The following FAM163A variants were observed in gnomAD, a reference collection of about 807,000 sequenced individuals.
FAM163A encodes protein FAM163A.
FAM163A carries 7 observed loss-of-function variants against 12.0 expected under a neutral mutation model. The ratio of observed to expected loss-of-function variants is 0.58; its 90% CI spans 0.33 to 1.10. FAM163A has a LOEUF of 1.10. Among genes scored for constraint, FAM163A ranks in the 50% least tolerant of loss-of-function variants. The pLI is 0.03. For synonymous variants in FAM163A, 101 were observed against 91.0 expected (o/e 1.11, Z -0.62); for missense variants, 202 against 218.6 (o/e 0.92, Z 0.48).
chr1:179,747,166 GGA>G (rs142400469), intron 1 of FAM163A, among the ~76,000 whole-genome samples: 89,678 of 147,904 alleles, frequency 0.61, 27,576 homozygotes, highest in African/African-American at 0.74. Context: ...AGAGATGCTT[GGA>G]AAAAAAAAAA....
chr1:179,784,995 G>A (rs892623967), intron 1 of FAM163A, among the ~76,000 whole-genome samples: 8 of 152,166 alleles, frequency 5.3e-5, no homozygotes, highest in East Asian at 3.8e-4. Context: ...GGCCATGGAC[G>A]TCACTGTGGG....
rs1695209912 is a variant in FAM163A at position 179,815,114 on chromosome 1, GACACA to G, written c.*926_*930del. On this transcript the variant is annotated 3_prime_UTR_variant, in exon 5 of 5. Coordinates refer to ENST00000341785, the MANE Select transcript of FAM163A (RefSeq NM_173509.3). ...GTACGCACGCGCGCGCGCGCGCACAGACACACACACACACACACACACACACACAC... is the reference window on the plus strand; with the variant it reads ...GTACGCACGCGCGCGCGCGCGCACAGCACACACACACACACACACACACAC... 3.1e-5 allele frequency: 4 copies of G among 129,918 alleles called. No homozygotes were observed. The highest frequency in any genetic ancestry group is 1.5e-4 in the African/African-American group (4 of 26,626). The allele number at this position is 129,918 out of a possible 1,614,324, so 8.0% of individuals were successfully genotyped here.
chr1:179,746,006 C>G (rs759909709), intron 1 of FAM163A, among the ~76,000 whole-genome samples: 2 of 152,218 alleles, frequency 1.3e-5, no homozygotes, highest in Admixed American at 6.5e-5. Context: ...GCCTGGTAAA[C>G]AGCCAGCACT....
At chr1:179,767,648 T>A (rs1293213166) in intron 1 of FAM163A, among the ~76,000 whole-genome samples, 2 of 152,102 alleles carry the variant, frequency 1.3e-5, no homozygotes, top group African/African-American at 4.8e-5. Context: ...ACAGAGCCTG[T>A]CCAGGCCCTG....
At chr1:179,784,983 T>A (rs1287757161) in intron 1 of FAM163A, among the ~76,000 whole-genome samples, 1 of 152,178 alleles carries the variant, frequency 6.6e-6, no homozygotes, top group Non-Finnish European at 1.5e-5. Flanking sequence ...ACCTTAGAAT[T>A]TGGCCATGGA....
intron 1 of FAM163A, among the ~76,000 whole-genome samples, chr1:179,771,777 C>T (rs1175024409): frequency 6.6e-6 from 1 of 151,974 alleles, no homozygotes. Flanking sequence ...CCCCCCATGC[C>T]CATCTAATCA....
chr1:179,754,154 G>A (rs1685684708), intron 1 of FAM163A, among the ~76,000 whole-genome samples: 1 of 152,050 alleles, frequency 6.6e-6, no homozygotes, highest in Admixed American at 6.5e-5. Context: ...GCACTTGGAA[G>A]CCTTTCCATG....
intron 1 of FAM163A, among the ~76,000 whole-genome samples, chr1:179,755,295 T>C (rs181160794): frequency 2.3e-3 from 354 of 152,192 alleles, no homozygotes; most frequent in Admixed American, 3.5e-3. Context: ...GTCAGGAGAC[T>C]GTGAGGGTGG....
At chr1:179,784,765 G>A (rs1380606359) in intron 1 of FAM163A, among the ~76,000 whole-genome samples, 1 of 152,220 alleles carries the variant, frequency 6.6e-6, no homozygotes, top group African/African-American at 2.4e-5. Flanking sequence ...GCCTAGAATT[G>A]TGACATGTCG....
intron 1 of FAM163A, among the ~76,000 whole-genome samples, chr1:179,772,324 G>A (rs953868163): frequency 2.0e-5 from 3 of 152,036 alleles, no homozygotes; most frequent in African/African-American, 7.2e-5. Flanking sequence ...CTCACCCTTG[G>A]TTTAGGTCTT....
chr1:179,813,666 C>CT lies in FAM163A; in HGVS notation c.94-112dup, dbSNP rs1219688245. The stretch of plus-strand genomic sequence containing the variant: ...GGAGCAGGCCCCTGGGGTTCAGTGC[C>CT]TGGCACTAGGTTCTCCATGGAGCAG... On this transcript the variant is annotated intron_variant, in intron 4 of 4. Transcript: ENST00000341785. The CT allele has an allele frequency of 1.1e-5, 14 of 1,261,838 alleles. No homozygotes were observed. In the African/African-American group the frequency reaches 2.1e-4, roughly 19 times the overall value. 78.2% of individuals were successfully genotyped at this position (1,261,838 alleles called of 1,614,324 possible).
chr1:179,748,571 C>T (rs1170827039), intron 1 of FAM163A, among the ~76,000 whole-genome samples: 2 of 152,130 alleles, frequency 1.3e-5, no homozygotes, highest in African/African-American at 4.8e-5. Context: ...ACGGGCAGTG[C>T]GGGAGAGGAA....
the FAM163A span, among the ~76,000 whole-genome samples, chr1:179,735,851 C>T: frequency 3.3e-5 from 5 of 152,074 alleles, no homozygotes; most frequent in Non-Finnish European, 5.9e-5. Flanking sequence ...GAGCAGCACT[C>T]GCACTTGCAT....
rs1694998588 is a variant in FAM163A, at chr1:179,813,649, C to G, written c.94-130C>G. On this transcript the variant is annotated intron_variant, in intron 4 of 4. Transcript: ENST00000341785. ...TGGGATTAGAAACTTGTGGAGCAGG[C>G]CCCTGGGGTTCAGTGCCTGGCACTA... 3 of 1,027,288 alleles carry G rather than the reference C, an allele frequency of 2.9e-6. No homozygotes were observed. The South Asian group carries it at 4.8e-5, about 16-fold the overall frequency. The allele number at this position is 1,027,288 out of a possible 1,614,324, so 63.6% of individuals were successfully genotyped here.
intron 1 of FAM163A, among the ~76,000 whole-genome samples, chr1:179,800,712 G>T (rs1049921452): frequency 6.6e-6 from 1 of 152,170 alleles, no homozygotes; most frequent in Admixed American, 6.5e-5. Flanking sequence ...TTAGCGCTCA[G>T]TAAGTAGTAG....
the FAM163A span, among the ~76,000 whole-genome samples, chr1:179,736,194 C>T: frequency 2.6e-5 from 4 of 151,866 alleles, no homozygotes; most frequent in South Asian, 2.1e-4. Context: ...CTACATTAAA[C>T]GAAAAAGCTT....
chr1:179,737,087 G>T, the FAM163A span, among the ~76,000 whole-genome samples: 1 of 152,062 alleles, frequency 6.6e-6, no homozygotes, highest in African/African-American at 2.4e-5. Context: ...TATCACAATA[G>T]CCAAGGTATC....
chr1:179,788,528 A>G (rs1690968171), intron 1 of FAM163A, among the ~76,000 whole-genome samples: 1 of 152,084 alleles, frequency 6.6e-6, no homozygotes. Context: ...GTCCAGATAA[A>G]CTCAATGTGA....
chr1:179,743,494 A>T (rs1029541886), intron 1 of FAM163A, 71 bp downstream of exon 1: 2 of 152,112 alleles, frequency 1.3e-5, no homozygotes, highest in African/African-American at 4.8e-5. Context: ...CGGGCTGAGG[A>T]GCCGCCGGGC....
Sources: allele counts gnomAD v4.1 joint callset (sites outside exome capture counted in the v4.1 genomes callset), GRCh38; gene constraint gnomAD v4.1.1; transcripts MANE v1.5; gene names NCBI Gene and HGNC (gene_info 2026-07-23, HGNC 2026-07-21).